The following DAB1 variants were observed in gnomAD, a reference collection of about 807,000 sequenced individuals.
The protein encoded by DAB1 is DAB adaptor protein 1, also known as disabled homolog 1.
Under a neutral mutation model 64.6 loss-of-function variants are expected in DAB1, and 15 were observed. The ratio of observed to expected loss-of-function variants is 0.23; its 90% CI spans 0.16 to 0.36. DAB1 has a LOEUF of 0.36. Ranked by LOEUF, DAB1 falls within the 10% of genes least tolerant of loss-of-function variation. DAB1 has a pLI of 1.00. For synonymous variants in DAB1, 235 were observed against 251.9 expected (o/e 0.93, Z 0.64); for missense variants, 596 against 706.7 (o/e 0.84, Z 1.78).
chr1:57,588,822 G>A (rs75768200), intron 7 of DAB1, among the ~76,000 whole-genome samples: 7,140 of 152,220 alleles, frequency 0.047, 285 homozygotes, highest in Admixed American at 0.15. Flanking sequence ...TTTAAAACTG[G>A]GGAAAAGGAT....
chr1:58,049,364 G>T, intron 5 of DAB1: 3 of 601,940 alleles, frequency 5.0e-6, no homozygotes, highest in Non-Finnish European at 3.0e-6. Context: ...GCAAGCTGAC[G>T]AATGTATCTT....
intron 5 of DAB1, among the ~76,000 whole-genome samples, chr1:58,095,659 G>C (rs1032922198): frequency 1.3e-5 from 2 of 152,170 alleles, no homozygotes; most frequent in African/African-American, 2.4e-5. Flanking sequence ...CTTCCTGACG[G>C]ATATTGTTAA....
upstream of DAB1, among the ~76,000 whole-genome samples, chr1:57,888,100 T>C (rs1291042370): frequency 6.6e-6 from 1 of 152,162 alleles, no homozygotes; most frequent in Non-Finnish European, 1.5e-5. Context: ...GCTTTCACTG[T>C]AGGGCCCCGA....
chr1:57,185,672 G>C (rs1663474597), intron 2 of DAB1, among the ~76,000 whole-genome samples: 1 of 152,162 alleles, frequency 6.6e-6, no homozygotes, highest in Admixed American at 6.5e-5. Context: ...AGCGCAGATG[G>C]AAGGTGGTAC....
chr1:57,773,816 T>C (rs1649672012), intron 6 of DAB1, among the ~76,000 whole-genome samples: 1 of 152,026 alleles, frequency 6.6e-6, no homozygotes, highest in Non-Finnish European at 1.5e-5. Flanking sequence ...TGAGCATATA[T>C]GTGTGGGTCT....
At chr1:58,419,156 C>T (rs866440535) in intron 3 of DAB1, among the ~76,000 whole-genome samples, 2 of 152,146 alleles carry the variant, frequency 1.3e-5, no homozygotes, top group South Asian at 4.1e-4. Flanking sequence ...TTTATGAAAA[C>T]TCAGAGGCCC....
chr1:57,329,401 T>G (rs1676454730), intron 1 of DAB1, among the ~76,000 whole-genome samples: 1 of 152,202 alleles, frequency 6.6e-6, no homozygotes, highest in African/African-American at 2.4e-5. Flanking sequence ...GTAGATATGC[T>G]TTTATTGGCC....
In DAB1 at chr1:58,497,655, C is replaced by T. The variant is rs12728773; in HGVS notation, n.257+8405G>A. On this transcript the variant is annotated intron_variant and non_coding_transcript_variant, in intron 3 of 20. Transcript: ENST00000485760. ...GTTTTCTCAGAGAAATATGTATCTA[C>T]GAAGGAAATCTCTAATTTGCAAGTA... Among the ~76,000 whole-genome samples, 885 of 152,194 alleles carry T rather than the reference C, an allele frequency of 5.8e-3. 7 individuals are homozygous for T. The highest frequency in any genetic ancestry group is 8.4e-3 in the Non-Finnish European group (569 of 68,002).
intron 3 of DAB1, among the ~76,000 whole-genome samples, chr1:58,399,401 C>T (rs533926145): frequency 4.7e-4 from 72 of 152,310 alleles, no homozygotes; most frequent in African/African-American, 1.7e-3. Context: ...AAGCCTCCCA[C>T]CTCTTAGGCC....
chr1:57,607,676 T>C (rs1645673895), intron 7 of DAB1, among the ~76,000 whole-genome samples: 1 of 152,196 alleles, frequency 6.6e-6, no homozygotes, highest in Admixed American at 6.5e-5. Flanking sequence ...ATGAATCTTG[T>C]TTATGTAAAG....
At chr1:57,936,696 A>AT (rs891885005) in intron 5 of DAB1, among the ~76,000 whole-genome samples, 12 of 148,392 alleles carry the variant, frequency 8.1e-5, no homozygotes, top group African/African-American at 2.7e-4. Flanking sequence ...TTATTTATTT[A>AT]TTTTTTTTAG....
intron 14 of DAB1, among the ~76,000 whole-genome samples, chr1:57,003,207 C>T (rs1376663407): frequency 6.6e-6 from 1 of 152,208 alleles, no homozygotes; most frequent in African/African-American, 2.4e-5. Context: ...AAACTTCCAC[C>T]GTTTGCAGAC....
chr1:58,283,740 C>T (rs561895620), intron 4 of DAB1, among the ~76,000 whole-genome samples: 5 of 152,276 alleles, frequency 3.3e-5, no homozygotes, highest in African/African-American at 1.2e-4. Context: ...TGGCTCATAA[C>T]AAATGATCAG....
At chr1:57,753,836 C>T (rs552810106) in intron 6 of DAB1, among the ~76,000 whole-genome samples, 1 of 152,320 alleles carries the variant, frequency 6.6e-6, no homozygotes, top group South Asian at 2.1e-4. Flanking sequence ...GCATTTGAAC[C>T]TGGATCTTCC....
chr1:57,291,131 C>A lies in DAB1; in HGVS notation c.-101G>T. ...AAGACTCCTCCCTTCAGAAATGACA[C>A]TCTGAGCTGCACATTTCATTCACTC... On this transcript the variant is annotated 5_prime_UTR_variant, in exon 2 of 15. Coordinates refer to ENST00000371236, the MANE Select transcript of DAB1 (RefSeq NM_001365792.1). 1.5e-6 allele frequency: 1 copy of A among 672,672 alleles called. No individual in the cohort carries two copies. The allele number at this position is 672,672 out of a possible 1,614,324, so 41.7% of individuals were successfully genotyped here.
chr1:57,696,655 T>A (rs1038334406), intron 6 of DAB1, among the ~76,000 whole-genome samples: 1 of 152,128 alleles, frequency 6.6e-6, no homozygotes, highest in Admixed American at 6.6e-5. Context: ...TTTGTCTAAT[T>A]GAACTGCATA....
intron 6 of DAB1, among the ~76,000 whole-genome samples, chr1:57,692,335 A>C (rs765612981): frequency 7.2e-5 from 11 of 152,252 alleles, no homozygotes; most frequent in Non-Finnish European, 1.3e-4. Context: ...AGGGGAGAAC[A>C]GCAGCATAAG....
chr1:57,561,134 C>T (rs1645045921), intron 7 of DAB1, among the ~76,000 whole-genome samples: 1 of 152,194 alleles, frequency 6.6e-6, no homozygotes, highest in African/African-American at 2.4e-5. Context: ...GCCACCCTGC[C>T]TCCTCTCCCC....
chr1:58,503,696 G>A (rs1422334805), intron 3 of DAB1, among the ~76,000 whole-genome samples: 6 of 152,008 alleles, frequency 3.9e-5, no homozygotes, highest in Non-Finnish European at 7.4e-5. Flanking sequence ...GAAGATGGCT[G>A]TTTATGAGCT....
Sources: allele counts gnomAD v4.1 joint callset (sites outside exome capture counted in the v4.1 genomes callset), GRCh38; gene constraint gnomAD v4.1.1; transcripts MANE v1.5; gene names NCBI Gene and HGNC (gene_info 2026-07-23, HGNC 2026-07-21).